Variants in CIB1 observed in about 807,000 individuals in gnomAD.
CIB1 encodes calcium and integrin binding 1.
A neutral mutation model predicts 25.0 loss-of-function variants in CIB1; 19 were observed. The observed-to-expected ratio is 0.76, with a 90% CI of 0.53 to 1.12. The LOEUF is 1.12. Among genes scored for constraint, CIB1 ranks in the 50% most tolerant of loss-of-function variants. The pLI is 0.00. For synonymous variants in CIB1, 104 were observed against 98.5 expected, an observed-to-expected ratio of 1.06 and a Z score of -0.33; for missense variants, 236 against 242.6, an observed-to-expected ratio of 0.97 and a Z score of 0.18.
At chr15:90,253,406 G>C in the CIB1 span, 4 of 1,504,018 alleles carry the variant, frequency 2.7e-6, no homozygotes, top group South Asian at 4.8e-5. Flanking sequence ...AGGGGCTAGG[G>C]CCCCAGAATG....
the CIB1 span, among the ~76,000 whole-genome samples, chr15:90,261,521 G>A: frequency 1.1e-4 from 17 of 152,036 alleles, no homozygotes; most frequent in African/African-American, 3.9e-4. Flanking sequence ...GGCCGAGTAC[G>A]GTGGCTCACA....
At chr15:90,260,623 T>G in the CIB1 span, among the ~76,000 whole-genome samples, 6 of 151,922 alleles carry the variant, frequency 3.9e-5, no homozygotes, top group African/African-American at 1.5e-4. Flanking sequence ...GAGGCTGAGG[T>G]GGGCGGATCA....
the CIB1 span, chr15:90,258,223 G>A: frequency 3.7e-6 from 6 of 1,614,202 alleles, no homozygotes; most frequent in Non-Finnish European, 5.1e-6. Context: ...GAAATCCTTG[G>A]TTTTGACATC....
chr15:90,262,026 C>T, the CIB1 span: 1 of 1,534,728 alleles, frequency 6.5e-7, no homozygotes, highest in Non-Finnish European at 8.7e-7. Context: ...ACTGAGTCAT[C>T]CCATGTGGCA....
the CIB1 span, chr15:90,264,938 GC>G: frequency 6.5e-7 from 1 of 1,536,074 alleles, no homozygotes; most frequent in Middle Eastern, 1.7e-4. Context: ...GCGTTCCAGA[GC>G]ACTCCTCAAC....
the CIB1 span, chr15:90,258,387 G>T: frequency 1.1e-6 from 1 of 877,048 alleles, no homozygotes. Flanking sequence ...TGAAAGCCCT[G>T]GGGTGGGCAG....
chr15:90,251,422 C>G, the CIB1 span: 1 of 946,220 alleles, frequency 1.1e-6, no homozygotes, highest in South Asian at 1.4e-5. Context: ...CCGCGCCCAG[C>G]CCATCCTGGT....
chr15:90,231,365 C>G lies in CIB1; in HGVS notation c.338G>C (p.Arg113Pro). 1 of 1,613,804 alleles carries G rather than the reference C, an allele frequency of 6.2e-7. No homozygotes were observed. Among genetic ancestry groups the G allele is most frequent in the Non-Finnish European group, 8.5e-7 (1 of 1,179,770 alleles). Reference sequence around the variant, plus strand: ...CTGCTCCTGGTTCTCACCAAAGATGCGGAAGGCATAATGGGACTTGATGTC... The same window carrying G: ...CTGCTCCTGGTTCTCACCAAAGATGGGGAAGGCATAATGGGACTTGATGTC... ...TPDIKSHYAF[R>P]IFDFDDDGTL... Residue 113 changes from arginine to proline, a missense_variant, in exon 4 of 7, where the codon CGC (arginine) becomes CCC (proline). Coordinates refer to ENST00000328649, the MANE Select transcript of CIB1 (RefSeq NM_006384.4).
chr15:90,256,606 TTTC>T, the CIB1 span, among the ~76,000 whole-genome samples: 427 of 30,542 alleles, frequency 0.014, 14 homozygotes, highest in African/African-American at 0.052. Context: ...TCTTTCTTTC[TTTC>T]CTTCCTTCCT....
At chr15:90,232,873 T>C (rs1253343018) in intron 2 of CIB1, among the ~76,000 whole-genome samples, 1 of 150,796 alleles carries the variant, frequency 6.6e-6, no homozygotes, top group Non-Finnish European at 1.5e-5. Context: ...GAGCCTGCAG[T>C]GAGCCAAGAT....
chr15:90,247,420 G>A, the CIB1 span, among the ~76,000 whole-genome samples: 32,154 of 150,290 alleles, frequency 0.21, 4,815 homozygotes, highest in African/African-American at 0.39. Flanking sequence ...GATGTAGGCT[G>A]CCACTCCTAG....
chr15:90,265,562 G>C, the CIB1 span: 2 of 1,379,128 alleles, frequency 1.5e-6, no homozygotes, highest in East Asian at 2.5e-5. Context: ...GGGCCACTGA[G>C]CAGCGTGAGC....
the CIB1 span, chr15:90,258,587 T>C: frequency 1.5e-6 from 1 of 659,336 alleles, no homozygotes; most frequent in Non-Finnish European, 2.6e-6. Context: ...GAGATCTCTA[T>C]GGCAGAGTTT....
the CIB1 span, chr15:90,265,047 G>T: frequency 6.9e-7 from 1 of 1,439,946 alleles, no homozygotes. Context: ...CTAAATGAAT[G>T]ACTGCCACCA....
At chr15:90,250,049 C>T in the CIB1 span, among the ~76,000 whole-genome samples, 1 of 150,736 alleles carries the variant, frequency 6.6e-6, no homozygotes, top group Non-Finnish European at 1.5e-5. Context: ...CCTCCACCTC[C>T]CAGGTTCAAG....
the CIB1 span, chr15:90,253,189 C>T: frequency 7.0e-7 from 1 of 1,431,202 alleles, no homozygotes; most frequent in Non-Finnish European, 9.8e-7. Flanking sequence ...CCCAGCTACA[C>T]AGTTCCAGGG....
chr15:90,232,274 G>A lies in CIB1; in HGVS notation c.140C>T (p.Ser47Leu), dbSNP rs369465701. 100 of 1,612,782 alleles carry A rather than the reference G, an allele frequency of 6.2e-5. No homozygotes were observed. Among genetic ancestry groups the A allele is most frequent in the Non-Finnish European group, 7.1e-5 (84 of 1,179,028 alleles). ...GAAGGGCACTTGTGCCCGAAGTGAC[G>A]ACTCCACGCTCCGCTGCTCCTGGGG... ...LLPQEQRSVE[S>L]SLRAQVPFEQ... The change falls in exon 3 of 7, where the codon TCG (serine) becomes TTG (leucine). Residue 47 changes from serine (S) to leucine (L), a missense_variant. Ser to Leu is a moderately radical substitution (Grantham distance 145). Coordinates refer to ENST00000328649, the MANE Select transcript of CIB1 (RefSeq NM_006384.4).
At chr15:90,256,652 C>T in the CIB1 span, among the ~76,000 whole-genome samples, 34,198 of 134,936 alleles carry the variant, frequency 0.25, 5,995 homozygotes, top group East Asian at 0.71. Context: ...TTTCTTTCTC[C>T]CTTTCCTTCC....
At chr15:90,242,225 C>A in the CIB1 span, 2 of 443,300 alleles carry the variant, frequency 4.5e-6, no homozygotes, top group Non-Finnish European at 8.0e-6. Flanking sequence ...GTAGCTGAGA[C>A]TATAGGCGTG....
Sources: gnomAD v4.1 joint callset for allele counts (sites outside exome capture counted in the v4.1 genomes callset) on GRCh38, gnomAD v4.1.1 for gene constraint, MANE v1.5 for transcripts, NCBI Gene and HGNC (gene_info 2026-07-23, HGNC 2026-07-21) for gene names.